The following COL24A1 variants were observed in gnomAD, a reference collection of about 807,000 sequenced individuals.
COL24A1 encodes the protein collagen alpha-1(XXIV) chain.
Under a neutral mutation model 253.9 loss-of-function variants are expected in COL24A1, and 224 were observed. That is an observed-to-expected ratio of 0.88 (90% CI 0.79 to 0.99). The LOEUF (loss-of-function observed/expected upper bound fraction) is 0.99. Among genes scored for constraint, COL24A1 ranks in the 50% least tolerant of loss-of-function variants. The probability of loss-of-function intolerance (pLI) is 0.00; values close to 1 mark genes in which losing one functional copy is unlikely to be tolerated. For missense variants in COL24A1, 2,131 were observed against 2,068.5 expected, an observed-to-expected ratio of 1.03 and a Z score of -0.59; for synonymous variants, 685 against 673.7, an observed-to-expected ratio of 1.02 and a Z score of -0.26.
At chr1:86,004,742 TG>T (rs1297946677) in intron 19 of COL24A1, among the ~76,000 whole-genome samples, 1 of 152,072 alleles carries the variant, frequency 6.6e-6, no homozygotes. Flanking sequence ...TTACCCAAAG[TG>T]GGGGGTCTCT....
chr1:86,005,407 C>T (rs1193658605), intron 19 of COL24A1, among the ~76,000 whole-genome samples: 1 of 150,570 alleles, frequency 6.6e-6, no homozygotes, highest in African/African-American at 2.4e-5. Context: ...TGCAATGAAA[C>T]CAGAAATTAT....
At chr1:86,070,910 G>C (rs1302145756) in intron 7 of COL24A1, among the ~76,000 whole-genome samples, 4 of 152,128 alleles carry the variant, frequency 2.6e-5, no homozygotes, top group Non-Finnish European at 4.4e-5. Context: ...AAACTCACTG[G>C]AAATAGTAGG....
chr1:86,127,233 T>G (rs1648449068), intron 2 of COL24A1, among the ~76,000 whole-genome samples: 1 of 152,140 alleles, frequency 6.6e-6, no homozygotes, highest in South Asian at 2.1e-4. Context: ...TATCCAACTT[T>G]TAGACTCTTT....
intron 3 of COL24A1, among the ~76,000 whole-genome samples, chr1:86,123,008 C>A (rs1647618371): frequency 6.6e-6 from 1 of 151,994 alleles, no homozygotes; most frequent in South Asian, 2.1e-4. Context: ...GGATTCAAAT[C>A]CTGGCTCTAT....
At chr1:86,052,607 T>C (rs1700393356) in intron 10 of COL24A1, among the ~76,000 whole-genome samples, 1 of 152,006 alleles carries the variant, frequency 6.6e-6, no homozygotes, top group Admixed American at 6.6e-5. Flanking sequence ...GTTTATTGGG[T>C]ACAGAGTTTC....
chr1:86,050,060 C>T (rs1009329651), intron 11 of COL24A1, 64 bp downstream of exon 11: 151 of 1,388,798 alleles, frequency 1.1e-4, no homozygotes, highest in Middle Eastern at 3.6e-4. Flanking sequence ...GATTTTATGA[C>T]CCCCATTGTA....
At chr1:86,132,779 T>C (rs1295057854) in intron 2 of COL24A1, among the ~76,000 whole-genome samples, 2 of 152,202 alleles carry the variant, frequency 1.3e-5, no homozygotes, top group African/African-American at 4.8e-5. Context: ...CTTTGTGGTA[T>C]AGTTTGAAGT....
At chr1:85,939,803 G>A (rs1265741067) in intron 24 of COL24A1, among the ~76,000 whole-genome samples, 1 of 152,034 alleles carries the variant, frequency 6.6e-6, no homozygotes, top group African/African-American at 2.4e-5. Context: ...TGCCTAAGGA[G>A]TTCAAATAAA....
At chr1:86,038,579 T>C (rs1057173442) in intron 12 of COL24A1, among the ~76,000 whole-genome samples, 1 of 152,182 alleles carries the variant, frequency 6.6e-6, no homozygotes, top group East Asian at 1.9e-4. Context: ...CATGCTGTTA[T>C]GTAGTCCAGA....
chr1:85,748,257 A>G (rs1374244101), intron 55 of COL24A1, among the ~76,000 whole-genome samples: 2 of 152,236 alleles, frequency 1.3e-5, no homozygotes, highest in Non-Finnish European at 2.9e-5. Flanking sequence ...TAGTCTGTCA[A>G]TAAAAAATGG....
At chr1:85,761,679 C>T (rs1438863963) in intron 53 of COL24A1, 113 bp from the exon 54 acceptor site, 3 of 1,004,912 alleles carry the variant, frequency 3.0e-6, no homozygotes, top group South Asian at 1.4e-5. Flanking sequence ...GCAAGTCATA[C>T]AATTTAAAAT....
intron 8 of COL24A1, among the ~76,000 whole-genome samples, chr1:86,062,339 T>C (rs2101771776): frequency 6.6e-6 from 1 of 152,124 alleles, no homozygotes; most frequent in East Asian, 1.9e-4. Context: ...CACAGTATTT[T>C]CACAATTAAA....
chr1:85,960,464 A>C (rs1468808884), intron 24 of COL24A1, among the ~76,000 whole-genome samples: 2 of 152,130 alleles, frequency 1.3e-5, no homozygotes, highest in African/African-American at 4.8e-5. Flanking sequence ...AACAACTCAA[A>C]CTTTATTTGA....
chr1:85,799,757 G>T (rs1671236867), intron 47 of COL24A1, among the ~76,000 whole-genome samples: 1 of 152,110 alleles, frequency 6.6e-6, no homozygotes, highest in Admixed American at 6.5e-5. Flanking sequence ...TTTTTATTTT[G>T]ATGGATACAA....
chr1:85,866,265 G>T (rs1039295522), intron 37 of COL24A1, among the ~76,000 whole-genome samples: 3 of 152,008 alleles, frequency 2.0e-5, no homozygotes, highest in Non-Finnish European at 2.9e-5. Flanking sequence ...TAAAAGAAAA[G>T]ATTCTTTATT....
At chr1:86,024,519 T>C (rs564224) in intron 14 of COL24A1, among the ~76,000 whole-genome samples, 50,169 of 152,030 alleles carry the variant, frequency 0.33, 9,105 homozygotes, top group Middle Eastern at 0.51. Flanking sequence ...AGACATCATA[T>C]GGATGAGTCT....
At chr1:85,930,167 C>A (rs1687678569) in intron 24 of COL24A1, among the ~76,000 whole-genome samples, 1 of 57,690 alleles carries the variant, frequency 1.7e-5, no homozygotes, top group African/African-American at 8.0e-5. Flanking sequence ...AAAGGATCAA[C>A]AAAATTGATA....
chr1:85,831,370 C>T (rs559621072), intron 43 of COL24A1, among the ~76,000 whole-genome samples: 69 of 152,146 alleles, frequency 4.5e-4, no homozygotes, highest in African/African-American at 1.6e-3. Flanking sequence ...TCCACCATCC[C>T]TGTATGTAGT....
intron 55 of COL24A1, among the ~76,000 whole-genome samples, chr1:85,746,642 G>A (rs983923818): frequency 1.3e-5 from 2 of 152,146 alleles, no homozygotes; most frequent in Non-Finnish European, 2.9e-5. Flanking sequence ...ATAGGTCAGG[G>A]AAGGCTTCCC....
Sources: allele counts gnomAD v4.1 joint callset (sites outside exome capture counted in the v4.1 genomes callset), GRCh38; gene constraint gnomAD v4.1.1; transcripts MANE v1.5; gene names NCBI Gene and HGNC (gene_info 2026-07-23, HGNC 2026-07-21).